SMARCC1: variants seen among roughly 807,000 people sequenced by gnomAD.
SMARCC1 encodes the protein SWI/SNF related BAF chromatin remodeling complex subunit C1, also known as SWI/SNF complex subunit SMARCC1.
In SMARCC1, 43 loss-of-function variants were observed where a neutral mutation model predicts 147.4. That is an observed-to-expected ratio of 0.29 (90% confidence interval 0.23 to 0.38). The LOEUF is 0.38. Among genes scored for constraint, SMARCC1 ranks in the 10% least tolerant of loss-of-function variants. SMARCC1 has a pLI of 1.00. For synonymous variants in SMARCC1, 495 were observed against 484.4 expected, an observed-to-expected ratio of 1.02 and a Z score of -0.29; for missense variants, 1,119 against 1,381.1, an observed-to-expected ratio of 0.81 and a Z score of 3.01.
In SMARCC1 at chr3:47,740,975, A is replaced by G. The variant is rs1181170702; in HGVS notation, c.402-2865T>C. Reference sequence around the variant, plus strand: ...ATCAATGTCTGCCCACTACACACATAAACAACCAGATATTGTATACCTCCA... The same window carrying G: ...ATCAATGTCTGCCCACTACACACATGAACAACCAGATATTGTATACCTCCA... On this transcript the variant is annotated intron_variant, in intron 3 of 27. Coordinates refer to ENST00000254480, the MANE Select transcript of SMARCC1 (RefSeq NM_003074.4). Among the ~76,000 whole-genome samples the G allele has an allele frequency of 2.6e-5, 4 of 152,282 alleles. No homozygotes were observed. In the South Asian group the frequency reaches 6.2e-4, roughly 24 times the overall value.
At chr3:47,631,625 AAAACCTTTCAGGGGACAAT>A (rs2032892478) in intron 24 of SMARCC1, among the ~76,000 whole-genome samples, 1 of 152,196 alleles carries the variant, frequency 6.6e-6, no homozygotes, top group African/African-American at 2.4e-5. Context: ...ATGCTCTTGA[AAAACCTTTCAGGGGACAAT>A]AACAGAAGCC....
At chr3:47,668,505 A>G (rs1374131955) in intron 19 of SMARCC1, among the ~76,000 whole-genome samples, 2 of 152,170 alleles carry the variant, frequency 1.3e-5, no homozygotes, top group South Asian at 2.1e-4. Context: ...AATATTTACA[A>G]TAAGATAACA....
chr3:47,648,336 T>C (rs1386145294), intron 21 of SMARCC1, among the ~76,000 whole-genome samples: 1 of 152,146 alleles, frequency 6.6e-6, no homozygotes, highest in Non-Finnish European at 1.5e-5. Context: ...ATACTACTTT[T>C]TTTTGTGAAG....
chr3:47,757,715 C>T (rs912600740), intron 2 of SMARCC1, among the ~76,000 whole-genome samples: 2 of 148,470 alleles, frequency 1.3e-5, no homozygotes, highest in African/African-American at 5.0e-5. Flanking sequence ...AACAGGGAGG[C>T]GGAGCTTGCA....
At position 47,762,936 on chromosome 3, in the gene SMARCC1, G is replaced by A. The variant is rs1373002609; in HGVS notation, c.315+9881C>T. 7.2e-5 allele frequency among the ~76,000 whole-genome samples: 11 copies of A among 152,046 alleles called. No homozygotes were observed. In the East Asian group the frequency reaches 2.1e-3, roughly 30 times the overall value. ...AAAAAATTAGCCAGGTGTGGTGGCA[G>A]GCACCTGTAGTCCCAGCTACTCGGG... On this transcript the variant is annotated intron_variant, in intron 2 of 27. Transcript: ENST00000254480.
intron 12 of SMARCC1, among the ~76,000 whole-genome samples, chr3:47,690,494 G>C (rs1452019272): frequency 6.6e-6 from 1 of 152,124 alleles, no homozygotes; most frequent in Non-Finnish European, 1.5e-5. Context: ...CCTCCAGTTG[G>C]ATTGGCTTGG....
chr3:47,718,350 C>T (rs1300237059), intron 7 of SMARCC1, among the ~76,000 whole-genome samples: 1 of 151,956 alleles, frequency 6.6e-6, no homozygotes, highest in Non-Finnish European at 1.5e-5. Context: ...GAGGCTAAGG[C>T]ATGAGAATCG....
At chr3:47,772,791 A>G (rs1261303116) in intron 2 of SMARCC1, 26 bp downstream of exon 2, 2 of 1,594,990 alleles carry the variant, frequency 1.3e-6, no homozygotes, top group East Asian at 2.3e-5. Context: ...GAGGATGCCC[A>G]AATAACAGTA....
At chr3:47,717,007 C>G (rs769455714) in intron 7 of SMARCC1, among the ~76,000 whole-genome samples, 2 of 152,106 alleles carry the variant, frequency 1.3e-5, no homozygotes, top group Non-Finnish European at 2.9e-5. Context: ...TCACATGAGA[C>G]TGATTACAAA....
chr3:47,651,477 C>T (rs1039796788), intron 21 of SMARCC1, among the ~76,000 whole-genome samples: 3 of 152,186 alleles, frequency 2.0e-5, no homozygotes, highest in Admixed American at 2.0e-4. Flanking sequence ...AGCCTCCTTG[C>T]TGTTCTTCAA....
intron 3 of SMARCC1, among the ~76,000 whole-genome samples, chr3:47,738,689 A>G (rs1317596227): frequency 6.6e-6 from 1 of 152,160 alleles, no homozygotes; most frequent in African/African-American, 2.4e-5. Flanking sequence ...TCTCAAAAAA[A>G]AAAAAAATCA....
chr3:47,662,659 C>T, intron 19 of SMARCC1, 67 bp from the exon 20 acceptor site: 5 of 1,303,484 alleles, frequency 3.8e-6, no homozygotes, highest in South Asian at 1.4e-5. Context: ...ATTAGAAGTT[C>T]TTTAGATAGC....
At chr3:47,712,193 T>C (rs924329465) in intron 8 of SMARCC1, among the ~76,000 whole-genome samples, 7 of 152,044 alleles carry the variant, frequency 4.6e-5, no homozygotes, top group African/African-American at 7.2e-5. Flanking sequence ...GATCACGCCA[T>C]TGCACTCCAG....
At chr3:47,625,391 C>T (rs535707069) in intron 24 of SMARCC1, among the ~76,000 whole-genome samples, 3 of 152,238 alleles carry the variant, frequency 2.0e-5, no homozygotes, top group Non-Finnish European at 4.4e-5. Context: ...CACACCACCA[C>T]ACCCAGTTAA....
chr3:47,607,994 C>G (rs1246531642), intron 26 of SMARCC1, among the ~76,000 whole-genome samples: 1 of 152,170 alleles, frequency 6.6e-6, no homozygotes, highest in Non-Finnish European at 1.5e-5. Context: ...CTTTGCTGGT[C>G]ACCTTTGGTT....
intron 21 of SMARCC1, among the ~76,000 whole-genome samples, chr3:47,650,601 A>T (rs1341526516): frequency 6.6e-6 from 1 of 151,982 alleles, no homozygotes; most frequent in Non-Finnish European, 1.5e-5. Context: ...TGATGGCTTG[A>T]GCTCAGGAGT....
chr3:47,663,062 G>GT (rs2033369545), intron 19 of SMARCC1, among the ~76,000 whole-genome samples: 1 of 140,196 alleles, frequency 7.1e-6, no homozygotes, highest in Non-Finnish European at 1.6e-5. Flanking sequence ...GGCGGCAAGA[G>GT]TGATAGAAAG....
At chr3:47,642,022 C>T (rs1391757243) in intron 21 of SMARCC1, among the ~76,000 whole-genome samples, 1 of 152,178 alleles carries the variant, frequency 6.6e-6, no homozygotes, top group East Asian at 1.9e-4. Context: ...GATCCAATCG[C>T]TTCTGCCTCT....
chr3:47,725,743 G>A (rs1393478825), intron 6 of SMARCC1, among the ~76,000 whole-genome samples: 1 of 151,886 alleles, frequency 6.6e-6, no homozygotes, highest in Non-Finnish European at 1.5e-5. Flanking sequence ...TGAGCCATCG[G>A]GCCCAGCCCA....
Sources: gnomAD v4.1 joint callset for allele counts (sites outside exome capture counted in the v4.1 genomes callset) on GRCh38, gnomAD v4.1.1 for gene constraint, MANE v1.5 for transcripts, NCBI Gene and HGNC (gene_info 2026-07-23, HGNC 2026-07-21) for gene names.